Variants in HECW2 observed in about 807,000 individuals in gnomAD.
The protein encoded by HECW2 is HECT, C2 and WW domain containing E3 ubiquitin protein ligase 2.
In HECW2, 61 loss-of-function variants were observed where a neutral mutation model predicts 175.2. That is an observed-to-expected ratio of 0.35 (90% CI 0.28 to 0.43). The LOEUF (loss-of-function observed/expected upper bound fraction) is 0.43. Among genes scored for constraint, HECW2 ranks in the 20% least tolerant of loss-of-function variants. HECW2 has a pLI of 1.00. For synonymous variants in HECW2, 671 were observed against 731.0 expected, an observed-to-expected ratio of 0.92 and a Z score of 1.32; for missense variants, 1,524 against 2,000.5, an observed-to-expected ratio of 0.76 and a Z score of 4.54.
chr2:196,250,868 G>A (rs114830272), intron 19 of HECW2, among the ~76,000 whole-genome samples: 2 of 151,958 alleles, frequency 1.3e-5, no homozygotes, highest in Non-Finnish European at 2.9e-5. Context: ...TTTACCTCCA[G>A]ATTTCGTGAA....
At chr2:196,248,048 G>A (rs1168879967) in intron 19 of HECW2, among the ~76,000 whole-genome samples, 3 of 152,172 alleles carry the variant, frequency 2.0e-5, no homozygotes, top group Admixed American at 6.5e-5. Flanking sequence ...ATAGCTCAAC[G>A]CTGGAACTTA....
chr2:196,507,523 A>G (rs1047921694), intron 1 of HECW2, among the ~76,000 whole-genome samples: 4 of 152,236 alleles, frequency 2.6e-5, no homozygotes, highest in African/African-American at 9.6e-5. Context: ...AACATCCTAC[A>G]GTGAACACAC....
At chr2:196,396,637 T>C (rs1575498308) in intron 2 of HECW2, among the ~76,000 whole-genome samples, 1 of 152,230 alleles carries the variant, frequency 6.6e-6, no homozygotes. Context: ...ACTAATGTTT[T>C]TGGGTACCTA....
chr2:196,232,334 T>C (rs1450592499), intron 21 of HECW2, among the ~76,000 whole-genome samples: 1 of 152,206 alleles, frequency 6.6e-6, no homozygotes, highest in East Asian at 1.9e-4. Flanking sequence ...ATTACAATTA[T>C]CTGTCTATGT....
chr2:196,324,765 C>G lies in HECW2; in HGVS notation c.741+215G>C, dbSNP rs919909378. ...TTTTAACAATTGAGTTTTTTGGAGG[C>G]TCCTTAAATTGTTCCCCTGATGTGA... is the stretch of plus-strand genomic sequence containing the variant. On this transcript the variant is annotated intron_variant, in intron 6 of 28. Transcript: ENST00000644978. Among the ~76,000 whole-genome samples the G allele has an allele frequency of 3.3e-5, 5 of 152,090 alleles. No individual in the cohort carries two copies. In the South Asian group the frequency reaches 1.0e-3, roughly 32 times the overall value.
chr2:196,338,325 T>C (rs563474600), intron 3 of HECW2, among the ~76,000 whole-genome samples: 1 of 152,350 alleles, frequency 6.6e-6, no homozygotes, highest in Admixed American at 6.5e-5. Flanking sequence ...TCCAGATAGA[T>C]AACTTGACAC....
At chr2:196,333,787 CACA>C (rs1205279070) in intron 4 of HECW2, among the ~76,000 whole-genome samples, 1 of 152,196 alleles carries the variant, frequency 6.6e-6, no homozygotes, top group African/African-American at 2.4e-5. Flanking sequence ...AAAAGTCCAA[CACA>C]ACAAGTTTCC....
chr2:196,378,057 A>G (rs1416802716), intron 2 of HECW2, among the ~76,000 whole-genome samples: 3 of 152,240 alleles, frequency 2.0e-5, no homozygotes, highest in Non-Finnish European at 2.9e-5. Context: ...TAGCAAAATC[A>G]CAACTGTCTC....
intron 28 of HECW2, among the ~76,000 whole-genome samples, chr2:196,210,731 AG>A (rs1366485642): frequency 6.6e-6 from 1 of 151,508 alleles, no homozygotes; most frequent in Non-Finnish European, 1.5e-5. Context: ...CTTCTGCCTC[AG>A]CCTCCCGAGT....
At chr2:196,539,252 C>T (rs773792841) in intron 1 of HECW2, among the ~76,000 whole-genome samples, 1 of 152,184 alleles carries the variant, frequency 6.6e-6, no homozygotes. Flanking sequence ...GAACTCTTCC[C>T]TCCCATCCTT....
intron 16 of HECW2, among the ~76,000 whole-genome samples, chr2:196,273,049 ATTTTTTTTTTTTTTTT>A (rs778348590): frequency 1.1e-4 from 12 of 113,136 alleles, no homozygotes; most frequent in South Asian, 2.8e-4. Flanking sequence ...AGCTGGTCTA[ATTTTTTTTTTTTTTTT>A]TTTTTTTTTT....
chr2:196,579,701 A>C (rs2125525926), intron 1 of HECW2, among the ~76,000 whole-genome samples: 1 of 152,340 alleles, frequency 6.6e-6, no homozygotes, highest in East Asian at 1.9e-4. Context: ...AATTAAGTTA[A>C]AATGAGGCCA....
chr2:196,413,107 G>C (rs12693794), intron 2 of HECW2, among the ~76,000 whole-genome samples: 140,619 of 152,258 alleles, frequency 0.92, 65,326 homozygotes, highest in East Asian at 1. Context: ...ACTCTCAGCA[G>C]TTTGGGAGGC....
intron 14 of HECW2, 190 bp downstream of exon 14, chr2:196,292,375 C>T (rs973852810): frequency 3.1e-5 from 17 of 539,856 alleles, no homozygotes; most frequent in Admixed American, 1.3e-4. Context: ...GCTCCCTCCA[C>T]GACTTCAGAA....
At chr2:196,217,295 C>T (rs1232685273) in intron 26 of HECW2, 5 of 420,122 alleles carry the variant, frequency 1.2e-5, no homozygotes, top group African/African-American at 2.1e-5. Context: ...TTAAGTGAAA[C>T]CAAGAGGTCT....
intron 1 of HECW2, among the ~76,000 whole-genome samples, chr2:196,473,961 T>G (rs1024003265): frequency 2.6e-5 from 4 of 152,228 alleles, no homozygotes; most frequent in Non-Finnish European, 5.9e-5. Context: ...CCTGATACAA[T>G]GCAGCGAGAA....
At chr2:196,445,169 G>T (rs1696148240) in intron 1 of HECW2, among the ~76,000 whole-genome samples, 1 of 152,142 alleles carries the variant, frequency 6.6e-6, no homozygotes, top group South Asian at 2.1e-4. Context: ...GTCTTCTCCT[G>T]CCAGACTATA....
At chr2:196,371,375 T>C (rs1261643055) in intron 2 of HECW2, among the ~76,000 whole-genome samples, 2 of 152,016 alleles carry the variant, frequency 1.3e-5, no homozygotes, top group Non-Finnish European at 2.9e-5. Flanking sequence ...AAATAAAGAA[T>C]AAAAAAGCAT....
intron 2 of HECW2, among the ~76,000 whole-genome samples, chr2:196,426,160 T>A (rs1350234725): frequency 6.6e-6 from 1 of 152,228 alleles, no homozygotes; most frequent in Non-Finnish European, 1.5e-5. Context: ...CAGTTTTTTT[T>A]AGACATAGTG....
Sources: gnomAD v4.1 joint callset for allele counts (sites outside exome capture counted in the v4.1 genomes callset) on GRCh38, gnomAD v4.1.1 for gene constraint, MANE v1.5 for transcripts, NCBI Gene and HGNC (gene_info 2026-07-23, HGNC 2026-07-21) for gene names.